The following SRSF10 variants were observed in gnomAD, a reference collection of about 807,000 sequenced individuals.
SRSF10 encodes the protein serine/arginine-rich splicing factor 10.
A neutral mutation model predicts 32.6 loss-of-function variants in SRSF10; 9 were observed. That is an observed-to-expected ratio of 0.28 (90% CI 0.17 to 0.48). The LOEUF (loss-of-function observed/expected upper bound fraction) is 0.48. Among genes scored for constraint, SRSF10 ranks in the 20% least tolerant of loss-of-function variants. The probability of loss-of-function intolerance (pLI) is 0.99; values close to 1 mark genes in which losing one functional copy is unlikely to be tolerated. For synonymous variants in SRSF10, 105 were observed against 112.4 expected, an observed-to-expected ratio of 0.93 and a Z score of 0.42; for missense variants, 201 against 331.8, an observed-to-expected ratio of 0.61 and a Z score of 3.06.
In SRSF10 at chr1:23,967,857, G is replaced by C; in HGVS notation, c.*3285C>G. ...CAAGAGAATAATACAATAGTTCCCA[G>C]GTCTTTCCCCTGGGATGTAACTTAA... On this transcript the variant is annotated 3_prime_UTR_variant, in exon 6 of 6. Transcript: ENST00000492112. 1 of 1,550,250 alleles carries C rather than the reference G, an allele frequency of 6.5e-7. No individual in the cohort carries two copies. The highest frequency in any genetic ancestry group is 2.0e-5 in the Admixed American group (1 of 49,710).
At position 23,971,860 on chromosome 1, in the gene SRSF10, T is replaced by C; in HGVS notation, c.427A>G (p.Ser143Gly). ...ACACAGCACACTTACTTTCTAGGAC[T>C]ATACGATCTTCTATAGTTGTAATCA... is the stretch of plus-strand genomic sequence containing the variant. Reference protein sequence around the residue: ...SFDYNYRRSYSPRNSRPTGRP... With the variant: ...SFDYNYRRSYGPRNSRPTGRP... The change falls in exon 4 of 6, where the codon AGT becomes GGT. Residue 143 changes from serine (S) to glycine (G), a missense_variant. Transcript: ENST00000492112. 6.2e-7 allele frequency: 1 copy of C among 1,607,242 alleles called. No homozygotes were observed.
In SRSF10 at chr1:23,970,832, G is replaced by A. The variant is rs1400612617; in HGVS notation, c.*310C>T. On this transcript the variant is annotated 3_prime_UTR_variant, in exon 6 of 6. Coordinates refer to ENST00000492112, the MANE Select transcript of SRSF10 (RefSeq NM_054016.4). ...ATGAATATGAAAGTTTATTTTTAAT[G>A]AGACAATGTTGCAAATTATGGTCAA... The A allele has an allele frequency of 8.2e-6, 9 of 1,103,624 alleles. No individual in the cohort carries two copies. Among genetic ancestry groups the A allele is most frequent in the Non-Finnish European group, 9.9e-6 (9 of 906,638 alleles). 68.4% of individuals were successfully genotyped at this position (1,103,624 alleles called of 1,614,324 possible).
intron 2 of SRSF10, chr1:23,977,526 C>T (rs1444219528): frequency 1.3e-5 from 2 of 152,148 alleles, no homozygotes; most frequent in Admixed American, 6.6e-5. Flanking sequence ...AACAAAATTT[C>T]TAGTGGTTCT....
intron 2 of SRSF10, chr1:23,978,011 A>T: frequency 1.0e-6 from 1 of 985,478 alleles, no homozygotes; most frequent in Non-Finnish European, 1.2e-6. Flanking sequence ...ATGCTTGGCC[A>T]AATATGACAG....
chr1:23,979,360 CA>C (rs1642307017), intron 1 of SRSF10, among the ~76,000 whole-genome samples: 2 of 151,968 alleles, frequency 1.3e-5, no homozygotes, highest in Non-Finnish European at 1.5e-5. Context: ...ACAAAGCTAG[CA>C]AAAAACCCCC....
At chr1:23,971,767 A>T in intron 4 of SRSF10, 83 bp downstream of exon 4, 1 of 1,500,148 alleles carries the variant, frequency 6.7e-7, no homozygotes, top group Admixed American at 2.2e-5. Flanking sequence ...TATATAATTA[A>T]AAGTATACAA....
chr1:23,980,309 G>T lies in SRSF10; in HGVS notation c.-54C>A. ...TAACGGGCTCAGCAAACCGTCCGCGGCTCAGGCGGCCGAGCCTCAGACACA... is the reference window on the plus strand; with the variant it reads ...TAACGGGCTCAGCAAACCGTCCGCGTCTCAGGCGGCCGAGCCTCAGACACA... On this transcript the variant is annotated 5_prime_UTR_variant, in exon 1 of 6. Transcript: ENST00000492112. 7.2e-7 allele frequency: 1 copy of T among 1,385,026 alleles called. No individual in the cohort carries two copies. The allele number at this position is 1,385,026 out of a possible 1,614,324, so 85.8% of individuals were successfully genotyped here. A position where few individuals can be genotyped will look rare whatever the true frequency, so the allele number is the denominator to read the frequency against.
At chr1:23,978,526 A>G in intron 2 of SRSF10, 187 bp downstream of exon 2, 1 of 794,532 alleles carries the variant, frequency 1.3e-6, no homozygotes, top group Non-Finnish European at 1.8e-6. Context: ...GAATTTATAT[A>G]TTTTACCATT....
rs1641544862 is a variant in SRSF10, at chr1:23,968,090, TA to T, written c.*3051del. The T allele has an allele frequency of 6.9e-7, 1 of 1,444,984 alleles. No individual in the cohort carries two copies. The highest frequency in any genetic ancestry group is 2.5e-5 in the East Asian group (1 of 40,458). 89.5% of individuals were successfully genotyped at this position (1,444,984 alleles called of 1,614,324 possible). ...AGTCATACACAGTAGGTAAACTCAGTAAGTGGGGGACTCAACTACATCACCC... is the reference window on the plus strand; with the variant it reads ...AGTCATACACAGTAGGTAAACTCAGTAGTGGGGGACTCAACTACATCACCC... On this transcript the variant is annotated 3_prime_UTR_variant, in exon 6 of 6. Transcript: ENST00000492112.
intron 2 of SRSF10, chr1:23,976,195 C>T (rs950495163): frequency 1.4e-5 from 2 of 140,542 alleles, no homozygotes; most frequent in African/African-American, 4.9e-5. Context: ...TGAGAGACAA[C>T]ACAAGACTGC....
Position 23,975,029 on chromosome 1 carries a change from T to G in SRSF10, c.219A>C (p.Arg73Ser). 2 of 1,613,998 alleles carry G rather than the reference T, an allele frequency of 1.2e-6. No homozygotes were observed. Among genetic ancestry groups the G allele is most frequent in the Non-Finnish European group, 1.7e-6 (2 of 1,179,866 alleles). The change falls in exon 3 of 6, where the codon AGA becomes AGC. Residue 73 changes from arginine (R) to serine (S), a missense_variant. By Grantham distance (110) the Arg-to-Ser change is moderately radical. Around this residue, in one of 3 missense-constraint regions of SRSF10, gnomAD observed 41 missense variants for 109.5 expected, o/e 0.37. Transcript: ENST00000492112. Reference sequence around the variant, plus strand: ...CAATCTGCCGTCCACAAATCCACTTTCTGTCCAAATTATGTAAAGCGTCTT... The same window carrying G: ...CAATCTGCCGTCCACAAATCCACTTGCTGTCCAAATTATGTAAAGCGTCTT... ...DAEDALHNLD[R>S]KWICGRQIEI...
chr1:23,980,106 C>A (rs2148516094), intron 1 of SRSF10, 85 bp downstream of exon 1: 2 of 1,403,048 alleles, frequency 1.4e-6, no homozygotes, highest in East Asian at 5.8e-5. Flanking sequence ...GTCCCCTCCC[C>A]CGGCCCAGTG....
Position 23,978,803 on chromosome 1 carries a change from C to A in SRSF10, c.80G>T (p.Arg27Leu). 6.2e-7 allele frequency: 1 copy of A among 1,604,080 alleles called. No homozygotes were observed. Among genetic ancestry groups the A allele is most frequent in the Non-Finnish European group, 8.5e-7 (1 of 1,174,274 alleles). Residue 27 changes from arginine to leucine, a missense_variant, in exon 2 of 6, where the codon CGG becomes CTG. Physicochemically the swap from Arg to Leu is moderately radical, Grantham distance 102. Transcript: ENST00000492112. ...VADDTRSEDL[R>L]REFGRYGPIV... ...AGGACCATAACGACCAAATTCACGCCGCAAGTCTTCAGACCTAAAACATCA... is the reference window on the plus strand; with the variant it reads ...AGGACCATAACGACCAAATTCACGCAGCAAGTCTTCAGACCTAAAACATCA...
intron 1 of SRSF10, 39 bp downstream of exon 1, chr1:23,980,152 C>T (rs1642375378): frequency 3.9e-6 from 6 of 1,527,044 alleles, no homozygotes; most frequent in Non-Finnish European, 5.3e-6. Flanking sequence ...GCGCCTGCGG[C>T]CTCCCCGCCT....
At chr1:23,978,460 A>C (rs1642215786) in intron 2 of SRSF10, among the ~76,000 whole-genome samples, 1 of 152,252 alleles carries the variant, frequency 6.6e-6, no homozygotes, top group Non-Finnish European at 1.5e-5. Flanking sequence ...ACCAGAGTGC[A>C]TTCAAATTTA....
Position 23,970,352 on chromosome 1 carries a change from C to T in SRSF10, c.*790G>A. ...TGCATCAAAAATAATTATCATTGGC[C>T]TAGACATCCGGTTTTTTTTTTTTTT... On this transcript the variant is annotated 3_prime_UTR_variant, in exon 6 of 6. Transcript: ENST00000492112. 12 of 958,062 alleles carry T rather than the reference C, an allele frequency of 1.3e-5. No individual in the cohort carries two copies. The highest frequency in any genetic ancestry group is 1.5e-5 in the Non-Finnish European group (12 of 819,006). The allele number at this position is 958,062 out of a possible 1,614,324, so 59.3% of individuals were successfully genotyped here.
intron 2 of SRSF10, chr1:23,978,324 T>G: frequency 1.0e-6 from 1 of 994,172 alleles, no homozygotes; most frequent in Non-Finnish European, 1.2e-6. Flanking sequence ...TAAAGAAGTT[T>G]ACCTCATTGT....
In SRSF10 at chr1:23,969,739, G is replaced by A. The variant is rs1332443395; in HGVS notation, c.*1403C>T. ...ACTAGAAATTATAAATGGTTTAAGG[G>A]TATTACTTCATTTTTAGTCAGGTAC... On this transcript the variant is annotated 3_prime_UTR_variant, in exon 6 of 6. Coordinates refer to ENST00000492112, the MANE Select transcript of SRSF10 (RefSeq NM_054016.4). 1.0e-6 allele frequency: 1 copy of A among 985,274 alleles called. No individual in the cohort carries two copies. The allele number at this position is 985,274 out of a possible 1,614,324, so 61.0% of individuals were successfully genotyped here. A position where few individuals can be genotyped will look rare whatever the true frequency, so the allele number is the denominator to read the frequency against.
Position 23,966,854 on chromosome 1 carries a change from A to C in SRSF10, c.*4288T>G, listed in dbSNP as rs1641478441. The C allele has an allele frequency of 6.6e-6, 1 of 152,076 alleles. No homozygotes were observed. Among genetic ancestry groups the C allele is most frequent in the Non-Finnish European group, 1.5e-5 (1 of 67,952 alleles). The allele number at this position is 152,076 out of a possible 1,614,324, so 9.4% of individuals were successfully genotyped here. A position where few individuals can be genotyped will look rare whatever the true frequency, so the allele number is the denominator to read the frequency against. On this transcript the variant is annotated 3_prime_UTR_variant, in exon 6 of 6. Transcript: ENST00000492112. ...CACACAATTACTTATCCTTGATCGT[A>C]TATTGTGTTCTATAATTACATTGAT...
Sources: allele counts gnomAD v4.1 joint callset (sites outside exome capture counted in the v4.1 genomes callset), GRCh38; gene constraint gnomAD v4.1.1; regional missense constraint gnomAD v4.1.1; transcripts MANE v1.5; gene names NCBI Gene and HGNC (gene_info 2026-07-23, HGNC 2026-07-21).